Variants in PCDHGB3 observed in about 807,000 individuals in gnomAD.
PCDHGB3 encodes the protein protocadherin gamma-B3.
A neutral mutation model predicts 59.2 loss-of-function variants in PCDHGB3; 40 were observed. That is an observed-to-expected ratio of 0.68 (90% CI 0.52 to 0.88). The LOEUF (loss-of-function observed/expected upper bound fraction) is 0.88. Ranked by LOEUF, PCDHGB3 falls within the 40% of genes least tolerant of loss-of-function variation. The pLI is 0.00. For synonymous variants in PCDHGB3, 581 were observed against 503.6 expected (o/e 1.15, Z -2.06); for missense variants, 1,309 against 1,187.9 (o/e 1.10, Z -1.50).
chr5:141,501,228 A>G (rs1054674676), intron 2 of PCDHGB3, among the ~76,000 whole-genome samples: 10 of 149,588 alleles, frequency 6.7e-5, no homozygotes, highest in African/African-American at 2.5e-4. Context: ...TAGATTTCTC[A>G]GTTTTTTGAG....
At position 141,510,984 on chromosome 5, in the gene PCDHGB3, C is replaced by T. The variant is rs375865663; in HGVS notation, c.2601C>T (p.Ala867=). The change falls in exon 4 of 4, where the codon GCC becomes GCT. Residue 867 remains alanine (A), a synonymous_variant. Coordinates refer to ENST00000576222, the MANE Select transcript of PCDHGB3 (RefSeq NM_018924.5). ...GGAGCTCCACCCTGGGAGGGGGTGC[C>T]GGCACCATGGGATTGAGCGCCCGCT... The part of the protein sequence containing the change: ...ADGSSTLGGG[A]GTMGLSARYG... 20 of 1,614,044 alleles carry T rather than the reference C, an allele frequency of 1.2e-5. No homozygotes were observed. The East Asian group carries it at 1.6e-4, about 13-fold the overall frequency.
chr5:141,460,172 G>T (rs545017378), intron 1 of PCDHGB3, among the ~76,000 whole-genome samples: 1 of 151,852 alleles, frequency 6.6e-6, no homozygotes, highest in South Asian at 2.1e-4. Flanking sequence ...ATATTTTGTG[G>T]ATATTTTATC....
intron 1 of PCDHGB3, chr5:141,409,205 A>C (rs766592481): frequency 1.2e-6 from 2 of 1,614,068 alleles, no homozygotes; most frequent in Non-Finnish European, 1.7e-6. Flanking sequence ...TAAAGTAATC[A>C]TAGAAATCCT....
rs775712620 is a variant in PCDHGB3, at chr5:141,491,341, G to T, written c.2416-3466G>T. 1 of 1,613,982 alleles carries T rather than the reference G, an allele frequency of 6.2e-7. No homozygotes were observed. The highest frequency in any genetic ancestry group is 8.5e-7 in the Non-Finnish European group (1 of 1,180,016). ...TTACCTCATTGTGGCTCTAGCGACC[G>T]TCAGTCTCTTATCCCTAGTCACCTT... On this transcript the variant is annotated intron_variant, in intron 1 of 3. Coordinates refer to ENST00000576222, the MANE Select transcript of PCDHGB3 (RefSeq NM_018924.5). The surrounding 1 kb of genome is among the most constrained non-coding windows in gnomAD (Gnocchi z 6.9).
intron 1 of PCDHGB3, chr5:141,390,010 T>C: frequency 6.2e-7 from 1 of 1,614,044 alleles, no homozygotes; most frequent in East Asian, 2.2e-5. Context: ...ATTCTGGCCA[T>C]TGCCTTGCGC....
Position 141,371,242 on chromosome 5 carries a change from A to C in PCDHGB3, c.848A>C (p.Asn283Thr). The change falls in exon 1 of 4, where the codon AAT (asparagine) becomes ACT (threonine). Residue 283 changes from asparagine (N) to threonine (T), a missense_variant. Coordinates refer to ENST00000576222, the MANE Select transcript of PCDHGB3 (RefSeq NM_018924.5). ...GCCGAAATCATCTATGCCTTCATCAATATTGGCAAGGAAGTGAGACAACTG... is the reference window on the plus strand; with the variant it reads ...GCCGAAATCATCTATGCCTTCATCACTATTGGCAAGGAAGTGAGACAACTG... ...INAEIIYAFI[N>T]IGKEVRQLFK... 6.2e-7 allele frequency: 1 copy of C among 1,614,034 alleles called. No homozygotes were observed. Among genetic ancestry groups the C allele is most frequent in the Non-Finnish European group, 8.5e-7 (1 of 1,179,900 alleles).
intron 1 of PCDHGB3, among the ~76,000 whole-genome samples, chr5:141,402,471 A>G (rs1241536886): frequency 6.6e-6 from 1 of 152,238 alleles, no homozygotes; most frequent in Non-Finnish European, 1.5e-5. Context: ...CTAGAAATAG[A>G]GTGCAAAGTT....
intron 1 of PCDHGB3, chr5:141,390,054 T>G (rs763200251): frequency 6.2e-7 from 1 of 1,614,070 alleles, no homozygotes; most frequent in Non-Finnish European, 8.5e-7. Context: ...CTCCTGGAGC[T>G]GCTTCCAGCC....
Position 141,388,565 on chromosome 5 carries a change from G to C in PCDHGB3, c.2415+15756G>C, listed in dbSNP as rs149167054. ...CTCCACCCCTAAGCAGCACTGCACAGATACACGTTCTAGTGACTGATGCCA... is the reference window on the plus strand; with the variant it reads ...CTCCACCCCTAAGCAGCACTGCACACATACACGTTCTAGTGACTGATGCCA... On this transcript the variant is annotated intron_variant, in intron 1 of 3. Transcript: ENST00000576222. The C allele has an allele frequency of 1.1e-3, 1,717 of 1,613,854 alleles. 24 individuals carry two copies. The highest frequency in any genetic ancestry group is 4.6e-4 in the Non-Finnish European group (537 of 1,179,878).
chr5:141,454,010 G>A (rs998092071), intron 1 of PCDHGB3, among the ~76,000 whole-genome samples: 2 of 152,146 alleles, frequency 1.3e-5, no homozygotes, highest in African/African-American at 4.8e-5. Context: ...TAACATTTTA[G>A]AAAAATGTAT....
chr5:141,431,351 C>A lies in PCDHGB3; in HGVS notation c.2415+58542C>A. On this transcript the variant is annotated intron_variant, in intron 1 of 3. Coordinates refer to ENST00000576222, the MANE Select transcript of PCDHGB3 (RefSeq NM_018924.5). The surrounding 1 kb of genome is among the most constrained non-coding windows in gnomAD (Gnocchi z 4.8). ...TAAGTACCCCGAATTGGTGCTGAAA[C>A]GCGCCCTGGACCGCGAAGAAAAGGC... The A allele has an allele frequency of 6.2e-7, 1 of 1,614,064 alleles. No individual in the cohort carries two copies. The highest frequency in any genetic ancestry group is 8.5e-7 in the Non-Finnish European group (1 of 1,180,042).
chr5:141,440,780 C>T (rs748247053), intron 1 of PCDHGB3: 1 of 152,158 alleles, frequency 6.6e-6, no homozygotes, highest in African/African-American at 2.4e-5. Flanking sequence ...GTGCTAGCAG[C>T]CTTAGACGGC....
At chr5:141,419,014 C>A (rs1332175722) in intron 1 of PCDHGB3, 1 of 1,613,780 alleles carries the variant, frequency 6.2e-7, no homozygotes, top group Non-Finnish European at 8.5e-7. Flanking sequence ...TCAGGTGTAG[C>A]TTAAGTAGAG....
Position 141,485,096 on chromosome 5 carries a change from C to T in PCDHGB3, c.2416-9711C>T, listed in dbSNP as rs1166994104. On this transcript the variant is annotated intron_variant, in intron 1 of 3. Coordinates refer to ENST00000576222, the MANE Select transcript of PCDHGB3 (RefSeq NM_018924.5). This position sits in a 1 kb window ranked among gnomAD's most constrained non-coding sequence, Gnocchi z 5.7. The stretch of plus-strand genomic sequence containing the variant: ...CGCGGGGAAAGGGAGATAGGTGTCT[C>T]CAGCTGCTGTGGCTGTTTGGGGCGG... The T allele has an allele frequency of 1.8e-6, 2 of 1,125,566 alleles. No homozygotes were observed. The highest frequency in any genetic ancestry group is 3.1e-5 in the African/African-American group (2 of 64,908). 69.7% of individuals were successfully genotyped at this position (1,125,566 alleles called of 1,614,324 possible).
intron 1 of PCDHGB3, chr5:141,389,893 T>C (rs764580902): frequency 2.9e-5 from 46 of 1,613,976 alleles, no homozygotes; most frequent in Non-Finnish European, 3.6e-5. Context: ...CAGGAGGTGC[T>C]GCCGGATATC....
intron 1 of PCDHGB3, chr5:141,387,709 A>C (rs1404514491): frequency 3.7e-5 from 37 of 1,008,514 alleles, no homozygotes; most frequent in Admixed American, 1.5e-4. Flanking sequence ...GGGCAGCCCC[A>C]GCTCAGACTC....
intron 1 of PCDHGB3, chr5:141,413,353 C>A (rs2095629361): frequency 6.2e-7 from 1 of 1,613,962 alleles, no homozygotes; most frequent in East Asian, 2.2e-5. Context: ...GGGTCTGGCG[C>A]CCCGGGAGCT....
At chr5:141,373,996 C>A in intron 1 of PCDHGB3, 1 of 1,266,244 alleles carries the variant, frequency 7.9e-7, no homozygotes, top group South Asian at 2.2e-5. Context: ...TGTTGAAGGA[C>A]CTTCACCGCT....
intron 1 of PCDHGB3, among the ~76,000 whole-genome samples, chr5:141,483,553 C>G (rs955671854): frequency 2.0e-5 from 3 of 152,230 alleles, no homozygotes; most frequent in Admixed American, 2.0e-4. Context: ...CAGTGCCATT[C>G]ACAGAGACAG....
Sources: gnomAD v4.1 joint callset for allele counts (sites outside exome capture counted in the v4.1 genomes callset) on GRCh38, gnomAD v4.1.1 for gene constraint, Gnocchi (gnomAD v3.1) non-coding constraint, MANE v1.5 for transcripts, NCBI Gene and HGNC (gene_info 2026-07-23, HGNC 2026-07-21) for gene names.